The following KATNIP variants were observed in gnomAD, a reference collection of about 807,000 sequenced individuals.
KATNIP encodes katanin interacting protein, also known as katanin-interacting protein.
Under a neutral mutation model 174.0 loss-of-function variants are expected in KATNIP, and 126 were observed. The ratio of observed to expected loss-of-function variants is 0.72; its 90% CI spans 0.63 to 0.84. KATNIP has a LOEUF of 0.84. Among genes scored for constraint, KATNIP ranks in the 40% least tolerant of loss-of-function variants. The pLI, the probability that KATNIP is intolerant of heterozygous loss-of-function variation, is 0.00. For synonymous variants in KATNIP, 810 were observed against 835.7 expected, an observed-to-expected ratio of 0.97 and a Z score of 0.53; for missense variants, 1,958 against 2,109.7, an observed-to-expected ratio of 0.93 and a Z score of 1.41.
intron 1 of KATNIP, among the ~76,000 whole-genome samples, chr16:27,567,854 C>T (rs2090147774): frequency 6.6e-6 from 1 of 152,160 alleles, no homozygotes; most frequent in Non-Finnish European, 1.5e-5. Flanking sequence ...ATCCCAGCTA[C>T]TCAGGAGGCT....
Position 27,701,641 on chromosome 16 carries a change from G to T in KATNIP, c.1232G>T (p.Gly411Val), listed in dbSNP as rs201073350. 1.1e-4 allele frequency: 177 copies of T among 1,608,288 alleles called. No homozygotes were observed. The highest frequency in any genetic ancestry group is 1.5e-4 in the Non-Finnish European group (174 of 1,177,906). ...ACTCAGGAGCCGGCCGGGGCAGCAG[G>T]AGGAGCCAGGGCCATCAACCAGGCC... ...TTTQEPAGAA[G>V]GARAINQAMD... is the part of the protein sequence containing the mutation. Residue 411 changes from glycine to valine, a missense_variant, in exon 11 of 28, where the codon GGA becomes GTA. Transcript: ENST00000261588.
At chr16:27,669,285 G>A (rs2077801470) in intron 6 of KATNIP, 14 of 985,348 alleles carry the variant, frequency 1.4e-5, no homozygotes, top group Non-Finnish European at 1.7e-5. Context: ...TTAAGTCTTT[G>A]TATCAGCGTC....
chr16:27,775,811 G>C (rs1157879393), intron 24 of KATNIP, among the ~76,000 whole-genome samples: 1 of 152,178 alleles, frequency 6.6e-6, no homozygotes, highest in Non-Finnish European at 1.5e-5. Context: ...GACTGAGTGG[G>C]GGATCGGGGG....
chr16:27,691,893 A>C (rs1333513424), intron 8 of KATNIP, among the ~76,000 whole-genome samples: 1 of 152,168 alleles, frequency 6.6e-6, no homozygotes, highest in African/African-American at 2.4e-5. Context: ...GTCCAAGAGG[A>C]AGTGAGCATA....
At chr16:27,566,795 C>T (rs565533526) in intron 1 of KATNIP, among the ~76,000 whole-genome samples, 67 of 152,146 alleles carry the variant, frequency 4.4e-4, no homozygotes, top group Non-Finnish European at 7.5e-4. Context: ...AGCTATCACC[C>T]GGGGAAGAAG....
chr16:27,598,282 G>A (rs1377150537), intron 2 of KATNIP, among the ~76,000 whole-genome samples: 1 of 151,642 alleles, frequency 6.6e-6, no homozygotes, highest in Non-Finnish European at 1.5e-5. Context: ...GAGAACATGA[G>A]CTACTTTAGG....
At position 27,637,445 on chromosome 16, in the gene KATNIP, G is replaced by A. The variant is rs2142222376; in HGVS notation, c.408+6283G>A. 6.6e-6 allele frequency among the ~76,000 whole-genome samples: 1 copy of A among 152,314 alleles called. No individual in the cohort carries two copies. Among genetic ancestry groups the A allele is most frequent in the East Asian group, 1.9e-4 (1 of 5,164 alleles). On this transcript the variant is annotated intron_variant, in intron 5 of 27. Coordinates refer to ENST00000261588, the MANE Select transcript of KATNIP (RefSeq NM_015202.5). The surrounding 1 kb of genome is among the most constrained non-coding windows in gnomAD (Gnocchi z 4.7). ...CCAAAGGCAAGCAAGGGAGTCGGAA[G>A]ACAGTGCTACGAAGGAAGGACAGAG...
chr16:27,766,427 C>T lies in KATNIP; in HGVS notation c.3928C>T (p.Leu1310=), dbSNP rs145858943. Residue 1310 remains leucine, a synonymous_variant, in exon 20 of 28, where the codon CTG becomes TTG. Transcript: ENST00000261588. ...GGACAGGGCCGAAAGCATCGCAGGC[C>T]TGCGCTTCTGGAACTACAATAAATC... The part of the protein sequence containing the change: ...RLDRAESIAG[L]RFWNYNKSPE... 2.1e-4 allele frequency: 331 copies of T among 1,614,054 alleles called. 2 individuals carry two copies. The African/African-American group carries it at 4.2e-3, about 21-fold the overall frequency.
chr16:27,780,169 G>A lies in KATNIP; in HGVS notation c.*1540G>A, dbSNP rs375180248. On this transcript the variant is annotated 3_prime_UTR_variant, in exon 28 of 28. Transcript: ENST00000261588. ...GGCCCAGCTACTCCTTCCCAGCTGA[G>A]ATGTGGGTACAGGTCAGATTTGTCA... 6.6e-6 allele frequency: 1 copy of A among 152,206 alleles called. No individual in the cohort carries two copies. Among genetic ancestry groups the A allele is most frequent in the South Asian group, 2.1e-4 (1 of 4,832 alleles). 9.4% of individuals were successfully genotyped at this position (152,206 alleles called of 1,614,324 possible). A position where few individuals can be genotyped will look rare whatever the true frequency, so the allele number is the denominator to read the frequency against.
intron 6 of KATNIP, among the ~76,000 whole-genome samples, chr16:27,661,098 C>T (rs573020139): frequency 1.2e-4 from 18 of 152,302 alleles, no homozygotes; most frequent in African/African-American, 4.3e-4. Flanking sequence ...GTTTTCCAAA[C>T]TGTGAATCAG....
At chr16:27,731,229 C>T (rs1482098319) in intron 14 of KATNIP, among the ~76,000 whole-genome samples, 3 of 152,192 alleles carry the variant, frequency 2.0e-5, no homozygotes, top group African/African-American at 7.2e-5. Context: ...GTTTTGACCT[C>T]AGTATGCATG....
chr16:27,711,491 C>T (rs552502538), intron 13 of KATNIP, among the ~76,000 whole-genome samples: 1 of 152,118 alleles, frequency 6.6e-6, no homozygotes, highest in Admixed American at 6.6e-5. Context: ...ATACAGCAAC[C>T]ATTTATTGAG....
intron 3 of KATNIP, among the ~76,000 whole-genome samples, chr16:27,623,948 C>T (rs932710389): frequency 2.0e-5 from 3 of 151,980 alleles, no homozygotes; most frequent in African/African-American, 7.3e-5. Context: ...CTTGCATGAC[C>T]TTGAGCAAGT....
chr16:27,690,734 A>G (rs1298080057), intron 8 of KATNIP, among the ~76,000 whole-genome samples: 2 of 152,194 alleles, frequency 1.3e-5, no homozygotes, highest in Non-Finnish European at 2.9e-5. Context: ...TTTTTGCCAC[A>G]CAACATAGTG....
intron 14 of KATNIP, among the ~76,000 whole-genome samples, chr16:27,722,639 A>T (rs1457024688): frequency 6.6e-6 from 1 of 152,182 alleles, no homozygotes; most frequent in Non-Finnish European, 1.5e-5. Context: ...CGTTCAAGTG[A>T]GATTATAAAT....
At chr16:27,555,404 T>C (rs548938510) in intron 1 of KATNIP, among the ~76,000 whole-genome samples, 1 of 152,338 alleles carries the variant, frequency 6.6e-6, no homozygotes, top group South Asian at 2.1e-4. Flanking sequence ...GGGGGCCAGA[T>C]AGCCCTGGAT....
In KATNIP at chr16:27,778,647, G is replaced by A. The variant is rs1166258884; in HGVS notation, c.*18G>A. 7 of 1,612,254 alleles carry A rather than the reference G, an allele frequency of 4.3e-6. No individual in the cohort carries two copies. Among genetic ancestry groups the A allele is most frequent in the Non-Finnish European group, 5.9e-6 (7 of 1,178,834 alleles). On this transcript the variant is annotated 3_prime_UTR_variant, in exon 28 of 28. Transcript: ENST00000261588. ...GCTGCTGACTGGTGAAGGAGGGAGA[G>A]CTGGTCCTCCCACTATGGTGGGCTC...
chr16:27,557,706 G>T (rs953845011), intron 1 of KATNIP, among the ~76,000 whole-genome samples: 1 of 152,156 alleles, frequency 6.6e-6, no homozygotes, highest in Non-Finnish European at 1.5e-5. Context: ...AAGATTACAG[G>T]CATGAGCCAC....
At chr16:27,607,594 CTTT>C (rs33954778) in intron 2 of KATNIP, among the ~76,000 whole-genome samples, 2,289 of 78,922 alleles carry the variant, frequency 0.029, 56 homozygotes, top group African/African-American at 0.098. Context: ...CAGTCAGTGT[CTTT>C]TTTTTTTTTT....
Sources: gnomAD v4.1 joint callset for allele counts (sites outside exome capture counted in the v4.1 genomes callset) on GRCh38, gnomAD v4.1.1 for gene constraint, Gnocchi (gnomAD v3.1) non-coding constraint, MANE v1.5 for transcripts, NCBI Gene and HGNC (gene_info 2026-07-23, HGNC 2026-07-21) for gene names.